Variants in ANKRD17 observed in about 807,000 individuals in gnomAD.
The protein encoded by ANKRD17 is ankyrin repeat domain-containing protein 17.
A neutral mutation model predicts 229.7 loss-of-function variants in ANKRD17; 19 were observed. The ratio of observed to expected loss-of-function variants is 0.08; its 90% CI spans 0.06 to 0.12. The LOEUF is 0.12. ANKRD17 is among the 10% of genes least tolerant of loss of function. ANKRD17 has a pLI of 1.00. For missense variants in ANKRD17, 2,176 were observed against 3,176.8 expected, an observed-to-expected ratio of 0.68 and a Z score of 7.57; for synonymous variants, 1,112 against 1,146.1, an observed-to-expected ratio of 0.97 and a Z score of 0.60.
chr4:73,134,927 C>T (rs1362257070), intron 16 of ANKRD17, among the ~76,000 whole-genome samples, 190 bp downstream of exon 16: 2 of 152,132 alleles, frequency 1.3e-5, no homozygotes, highest in Admixed American at 1.3e-4. Context: ...CAGACCATCA[C>T]ATAATTATCA....
chr4:73,180,339 T>C (rs974827998), intron 1 of ANKRD17, among the ~76,000 whole-genome samples: 1 of 152,158 alleles, frequency 6.6e-6, no homozygotes, highest in Non-Finnish European at 1.5e-5. Context: ...AGGGTTTTAC[T>C]GTAGGTTTGA....
chr4:73,121,853 A>C, intron 18 of ANKRD17, 94 bp from the exon 19 acceptor site: 2 of 1,260,760 alleles, frequency 1.6e-6, no homozygotes, highest in Non-Finnish European at 2.1e-6. Flanking sequence ...ATACTGTACA[A>C]TAAAAGAAGG....
At chr4:73,121,446 T>A in intron 19 of ANKRD17, 171 bp downstream of exon 19, 3 of 734,638 alleles carry the variant, frequency 4.1e-6, no homozygotes, top group Non-Finnish European at 6.7e-6. Flanking sequence ...TCAAACTCTA[T>A]ATCAAGTTTT....
chr4:73,249,109 T>C (rs1744756920), intron 1 of ANKRD17, among the ~76,000 whole-genome samples: 2 of 152,226 alleles, frequency 1.3e-5, no homozygotes, highest in African/African-American at 4.8e-5. Flanking sequence ...ATATTTATTC[T>C]AAATTCCAAA....
At chr4:73,203,933 ACT>A (rs1739063042) in intron 1 of ANKRD17, among the ~76,000 whole-genome samples, 1 of 151,930 alleles carries the variant, frequency 6.6e-6, no homozygotes, top group South Asian at 2.1e-4. Context: ...CAATGAAAAA[ACT>A]CTTAAAAACA....
intron 2 of ANKRD17, among the ~76,000 whole-genome samples, chr4:73,168,134 G>A (rs112594991): frequency 1.7e-5 from 2 of 120,942 alleles, no homozygotes; most frequent in South Asian, 2.7e-4. Flanking sequence ...GCCTGGGGGA[G>A]AGTGAGACTC....
chr4:73,092,065 G>A lies in ANKRD17; in HGVS notation c.5563C>T (p.Pro1855Ser). ...TGAGTGGATGCAGAAGAAATTGCAG[G>A]CACAGTGAGTGCTGTGGCAGTTTGA... Reference protein sequence around the residue: ...TSQTATALTVPAISSASTHKT... With the variant: ...TSQTATALTVSAISSASTHKT... Residue 1855 changes from proline to serine, a missense_variant, in exon 29 of 34, where the codon CCT becomes TCT. Pro to Ser is a moderately conservative substitution (Grantham distance 74). Around this residue, in one of 18 missense-constraint regions of ANKRD17, gnomAD observed 142 missense variants for 200.4 expected, o/e 0.71. Transcript: ENST00000358602. 6.2e-7 allele frequency: 1 copy of A among 1,614,186 alleles called. No individual in the cohort carries two copies. Among genetic ancestry groups the A allele is most frequent in the Non-Finnish European group, 8.5e-7 (1 of 1,180,028 alleles).
intron 1 of ANKRD17, among the ~76,000 whole-genome samples, chr4:73,257,801 G>A (rs933482808): frequency 6.6e-6 from 1 of 151,850 alleles, no homozygotes; most frequent in South Asian, 2.1e-4. Context: ...ACAACCTTAC[G>A]TCCCCCCTCA....
chr4:73,117,595 C>G (rs1236316446), intron 22 of ANKRD17, among the ~76,000 whole-genome samples: 1 of 151,992 alleles, frequency 6.6e-6, no homozygotes, highest in Admixed American at 6.6e-5. Flanking sequence ...TCCAGATTAT[C>G]TAGGGAAGAG....
At chr4:73,080,935 C>T (rs886136217) in intron 30 of ANKRD17, 1 of 152,300 alleles carries the variant, frequency 6.6e-6, no homozygotes, top group African/African-American at 2.4e-5. Context: ...CCCACCTCAG[C>T]CTCCTACACA....
At chr4:73,237,462 G>A (rs1743610261) in intron 1 of ANKRD17, among the ~76,000 whole-genome samples, 1 of 152,222 alleles carries the variant, frequency 6.6e-6, no homozygotes, top group Admixed American at 6.5e-5. Flanking sequence ...GAGAAGCCAG[G>A]TACTGAAGTT....
intron 24 of ANKRD17, among the ~76,000 whole-genome samples, chr4:73,112,120 G>A (rs537350499): frequency 4.4e-4 from 67 of 152,270 alleles, no homozygotes; most frequent in African/African-American, 1.5e-3. Context: ...AACAAGGCCA[G>A]AGAGGTTTAA....
rs1578153083 is a variant in ANKRD17 at position 73,135,382 on chromosome 4, C to T, written c.3086-117G>A. 7 of 915,538 alleles carry T rather than the reference C, an allele frequency of 7.6e-6. No homozygotes were observed. In the East Asian group the frequency reaches 1.7e-4, roughly 22 times the overall value. The allele number at this position is 915,538 out of a possible 1,614,324, so 56.7% of individuals were successfully genotyped here. On this transcript the variant is annotated intron_variant, in intron 15 of 33. Transcript: ENST00000358602. ...AAACAATATGTCTACAGGAAGACTA[C>T]TATAGCACTAATAACTAATTTTCCT...
intron 16 of ANKRD17, among the ~76,000 whole-genome samples, chr4:73,125,745 A>AG (rs1553918527): frequency 4.8e-5 from 7 of 144,414 alleles, no homozygotes; most frequent in African/African-American, 7.6e-5. Context: ...AAAAAAAAAA[A>AG]AAAAGAAAAG....
Position 73,094,201 on chromosome 4 carries a change from A to G in ANKRD17, c.5205T>C (p.Thr1735=), listed in dbSNP as rs1430795220. 6.2e-7 allele frequency: 1 copy of G among 1,613,664 alleles called. No individual in the cohort carries two copies. The highest frequency in any genetic ancestry group is 8.5e-7 in the Non-Finnish European group (1 of 1,179,710). ...RRSKKVSVPS[T]VISRVIGRGG... ...CTCTTCCAATCACTCTGGATATCAC[A>G]GTTGATGGAACAGATACTTTCTTTG... is the stretch of plus-strand genomic sequence containing the variant. The change falls in exon 28 of 34, where the codon ACT becomes ACC. Residue 1735 remains threonine (T), a synonymous_variant. Transcript: ENST00000358602.
chr4:73,225,014 T>C (rs887155069), intron 1 of ANKRD17, among the ~76,000 whole-genome samples: 11 of 152,212 alleles, frequency 7.2e-5, no homozygotes, highest in Admixed American at 6.5e-5. Context: ...AATGACACTA[T>C]GTTTTACCTC....
chr4:73,133,146 A>C lies in ANKRD17; in HGVS notation c.3234+1971T>G, dbSNP rs528381536. Among the ~76,000 whole-genome samples the C allele has an allele frequency of 6.6e-5, 10 of 152,022 alleles. No homozygotes were observed. The East Asian group carries it at 1.8e-3, about 27-fold the overall frequency. On this transcript the variant is annotated intron_variant, in intron 16 of 33. Coordinates refer to ENST00000358602, the MANE Select transcript of ANKRD17 (RefSeq NM_032217.5). ...GCGCCTGTAATCCCAGCTACTCAGGAGGCTGAGGCAGGAGAATCGCTTGAA... is the reference window on the plus strand; with the variant it reads ...GCGCCTGTAATCCCAGCTACTCAGGCGGCTGAGGCAGGAGAATCGCTTGAA...
chr4:73,187,505 T>C (rs990270896), intron 1 of ANKRD17, among the ~76,000 whole-genome samples: 7 of 152,226 alleles, frequency 4.6e-5, no homozygotes, highest in African/African-American at 1.4e-4. Flanking sequence ...TGTTAGAGTA[T>C]ATGCCATAAA....
At chr4:73,225,861 C>CAAAAAAAAAAAAAAAAAAAAAAAA (rs375866026) in intron 1 of ANKRD17, among the ~76,000 whole-genome samples, 1 of 66,696 alleles carries the variant, frequency 1.5e-5, no homozygotes, top group Non-Finnish European at 2.6e-5. Flanking sequence ...GACTCTGTCT[C>CAAAAAAAAAAAAAAAAAAAAAAAA]AAAAAAAAAA....
Sources: allele counts gnomAD v4.1 joint callset (sites outside exome capture counted in the v4.1 genomes callset), GRCh38; gene constraint gnomAD v4.1.1; regional missense constraint gnomAD v4.1.1; transcripts MANE v1.5; gene names NCBI Gene and HGNC (gene_info 2026-07-23, HGNC 2026-07-21).